FKBP5: variants seen among roughly 807,000 people sequenced by gnomAD.
FKBP5 encodes the protein peptidyl-prolyl cis-trans isomerase FKBP5.
Under a neutral mutation model 50.5 loss-of-function variants are expected in FKBP5, and 23 were observed. The ratio of observed to expected loss-of-function variants is 0.46; its 90% CI spans 0.33 to 0.65. The LOEUF (loss-of-function observed/expected upper bound fraction) is 0.65. Ranked by LOEUF, FKBP5 falls within the 30% of genes least tolerant of loss-of-function variation. The pLI, the probability that FKBP5 is intolerant of heterozygous loss-of-function variation, is 0.02. For missense variants in FKBP5, 411 were observed against 553.1 expected (o/e 0.74, Z 2.58); for synonymous variants, 176 against 190.6 (o/e 0.92, Z 0.63).
At chr6:35,679,207 C>T (rs755802644) in intron 1 of FKBP5, among the ~76,000 whole-genome samples, 20 of 152,278 alleles carry the variant, frequency 1.3e-4, no homozygotes, top group African/African-American at 4.3e-4. Context: ...CAATTCTCTA[C>T]GATTCTGTGT....
intron 5 of FKBP5, among the ~76,000 whole-genome samples, chr6:35,617,686 G>C (rs1763703195): frequency 6.6e-6 from 1 of 152,224 alleles, no homozygotes; most frequent in African/African-American, 2.4e-5. Flanking sequence ...AACACCAAAT[G>C]TGTGTCACGC....
intron 1 of FKBP5, among the ~76,000 whole-genome samples, chr6:35,650,061 A>G (rs1194259891): frequency 6.6e-6 from 1 of 152,216 alleles, no homozygotes; most frequent in African/African-American, 2.4e-5. Flanking sequence ...GTAAATGTTC[A>G]TCCATTATAA....
Position 35,605,112 on chromosome 6 carries a change from T to G in FKBP5, c.509-7708A>C, listed in dbSNP as rs553748500. ...TTTTCTTATTTTTTAAAACAATTTT[T>G]GCTCAATTGATGAAGTTTTCCTTGT... On this transcript the variant is annotated intron_variant, in intron 5 of 10. Coordinates refer to ENST00000357266, the MANE Select transcript of FKBP5 (RefSeq NM_004117.4). 1.4e-3 allele frequency among the ~76,000 whole-genome samples: 206 copies of G among 152,262 alleles called. 1 individual carries two copies. The highest frequency in any genetic ancestry group is 4.8e-3 in the African/African-American group (201 of 41,556).
At chr6:35,640,047 T>C (rs764448268) in intron 2 of FKBP5, among the ~76,000 whole-genome samples, 4 of 151,376 alleles carry the variant, frequency 2.6e-5, no homozygotes, top group Non-Finnish European at 4.5e-5. Context: ...TCTCACCACA[T>C]TGTTGTAAGA....
intron 5 of FKBP5, chr6:35,607,905 A>AAG (rs1281037022): frequency 1.2e-5 from 2 of 170,492 alleles, no homozygotes; most frequent in African/African-American, 4.8e-5. Context: ...TGTCCTGGCC[A>AAG]CCATGACAAA....
At chr6:35,691,283 A>G (rs1298051949), upstream of FKBP5, among the ~76,000 whole-genome samples, 1 of 152,196 alleles carries the variant, frequency 6.6e-6, no homozygotes, top group African/African-American at 2.4e-5. Flanking sequence ...GTAGAGCTGA[A>G]TCTTAGAAGA....
chr6:35,684,427 C>G (rs78781866), intron 1 of FKBP5, among the ~76,000 whole-genome samples: 1 of 152,096 alleles, frequency 6.6e-6, no homozygotes, highest in Non-Finnish European at 1.5e-5. Flanking sequence ...ATCCACGTGC[C>G]TTGGCCTCCC....
intron 3 of FKBP5, among the ~76,000 whole-genome samples, chr6:35,622,136 TTTTA>T (rs1763863388): frequency 6.6e-6 from 1 of 152,238 alleles, no homozygotes; most frequent in Non-Finnish European, 1.5e-5. Flanking sequence ...ATAAACCATT[TTTTA>T]TTCATGACTT....
At chr6:35,599,289 A>G (rs1020404963) in intron 5 of FKBP5, among the ~76,000 whole-genome samples, 7 of 152,208 alleles carry the variant, frequency 4.6e-5, no homozygotes, top group African/African-American at 2.4e-5. Flanking sequence ...ACCTGGTAAT[A>G]TCACTCTCAA....
At chr6:35,584,233 A>C in intron 8 of FKBP5, 1 of 985,306 alleles carries the variant, frequency 1.0e-6, no homozygotes, top group Non-Finnish European at 1.2e-6. Flanking sequence ...AGAGTTCTCT[A>C]TTTTTCTTCT....
intron 2 of FKBP5, among the ~76,000 whole-genome samples, chr6:35,699,418 T>C (rs1766139764): frequency 6.6e-6 from 1 of 152,198 alleles, no homozygotes; most frequent in Non-Finnish European, 1.5e-5. Flanking sequence ...GAACTAACAA[T>C]GGTGTGAATA....
At chr6:35,587,176 C>T in intron 7 of FKBP5, 59 bp from the exon 8 acceptor site, 2 of 1,440,602 alleles carry the variant, frequency 1.4e-6, no homozygotes, top group Admixed American at 1.7e-5. Context: ...CAGTTGAGGC[C>T]TATTGGAACA....
intron 1 of FKBP5, among the ~76,000 whole-genome samples, chr6:35,650,671 C>T (rs1253383929): frequency 2.0e-5 from 3 of 151,956 alleles, no homozygotes; most frequent in Non-Finnish European, 2.9e-5. Context: ...GATGGGGTTT[C>T]GCCATGTTAG....
intron 1 of FKBP5, among the ~76,000 whole-genome samples, chr6:35,651,203 T>C (rs1764789238): frequency 6.6e-6 from 1 of 152,228 alleles, no homozygotes; most frequent in Non-Finnish European, 1.5e-5. Flanking sequence ...GTGTTACCTC[T>C]GGAGAATGAG....
At chr6:35,654,546 C>T (rs1409909354) in intron 1 of FKBP5, among the ~76,000 whole-genome samples, 2 of 152,212 alleles carry the variant, frequency 1.3e-5, no homozygotes, top group Non-Finnish European at 2.9e-5. Flanking sequence ...AAACTACTTA[C>T]TGCTGTTTTA....
intron 1 of FKBP5, among the ~76,000 whole-genome samples, chr6:35,688,112 C>T (rs1048769353): frequency 6.6e-6 from 1 of 152,256 alleles, no homozygotes; most frequent in Non-Finnish European, 1.5e-5. Flanking sequence ...CGGCGCTGCG[C>T]GGACTCCTCC....
intron 7 of FKBP5, among the ~76,000 whole-genome samples, chr6:35,590,167 C>A (rs993884120): frequency 6.6e-6 from 1 of 152,002 alleles, no homozygotes; most frequent in Admixed American, 6.6e-5. Context: ...GGTGTGGTAG[C>A]GTGTGCCTGT....
At chr6:35,610,197 T>C (rs1353455547) in intron 5 of FKBP5, among the ~76,000 whole-genome samples, 1 of 152,180 alleles carries the variant, frequency 6.6e-6, no homozygotes, top group Non-Finnish European at 1.5e-5. Flanking sequence ...AAGTTGACTT[T>C]AGGAGCAGAA....
At chr6:35,591,795 T>C (rs1762829639) in intron 6 of FKBP5, among the ~76,000 whole-genome samples, 1 of 152,112 alleles carries the variant, frequency 6.6e-6, no homozygotes, top group Non-Finnish European at 1.5e-5. Flanking sequence ...TAAAAGCACA[T>C]GAAGAAACAC....
Sources: allele counts gnomAD v4.1 joint callset (sites outside exome capture counted in the v4.1 genomes callset), GRCh38; gene constraint gnomAD v4.1.1; transcripts MANE v1.5; gene names NCBI Gene and HGNC (gene_info 2026-07-23, HGNC 2026-07-21).